The following CNTNAP2 variants were observed in gnomAD, a reference collection of about 807,000 sequenced individuals.
CNTNAP2 encodes the protein contactin associated protein 2.
CNTNAP2 carries 98 observed loss-of-function variants against 155.2 expected under a neutral mutation model. The ratio of observed to expected loss-of-function variants is 0.63; its 90% CI spans 0.54 to 0.75. CNTNAP2 has a LOEUF of 0.75. Ranked by LOEUF, CNTNAP2 falls within the 30% of genes least tolerant of loss-of-function variation. The pLI is 0.00. For missense variants in CNTNAP2, 1,727 were observed against 1,688.1 expected, an observed-to-expected ratio of 1.02 and a Z score of -0.40; for synonymous variants, 651 against 631.2, an observed-to-expected ratio of 1.03 and a Z score of -0.47.
intron 13 of CNTNAP2, among the ~76,000 whole-genome samples, chr7:147,830,193 G>A (rs1007714426): frequency 1.3e-5 from 2 of 151,222 alleles, no homozygotes; most frequent in Admixed American, 1.3e-4. Context: ...AAACTAGGTG[G>A]CTTATAAACA....
At chr7:146,494,502 A>G (rs970353364) in intron 1 of CNTNAP2, among the ~76,000 whole-genome samples, 1 of 152,186 alleles carries the variant, frequency 6.6e-6, no homozygotes, top group East Asian at 1.9e-4. Flanking sequence ...TTCTGTTACA[A>G]AATGTTTACT....
intron 1 of CNTNAP2, among the ~76,000 whole-genome samples, chr7:146,475,697 T>A (rs1170605770): frequency 6.6e-6 from 1 of 152,164 alleles, no homozygotes; most frequent in Admixed American, 6.5e-5. Context: ...CAAGAGCCTA[T>A]ATCACAATAG....
At chr7:146,651,473 A>G (rs895872488) in intron 1 of CNTNAP2, among the ~76,000 whole-genome samples, 6 of 152,204 alleles carry the variant, frequency 3.9e-5, no homozygotes, top group Non-Finnish European at 8.8e-5. Context: ...ATAGGAACTT[A>G]CGTACTTTGT....
At chr7:146,426,624 A>T (rs1422040555) in intron 1 of CNTNAP2, among the ~76,000 whole-genome samples, 1 of 51,982 alleles carries the variant, frequency 1.9e-5, no homozygotes, top group Non-Finnish European at 3.2e-5. Flanking sequence ...TAACACCTTT[A>T]AAAAAAAAAA....
chr7:146,721,875 G>GTGTGTGTA (rs1332551916), intron 1 of CNTNAP2, among the ~76,000 whole-genome samples: 3 of 76,658 alleles, frequency 3.9e-5, no homozygotes, highest in African/African-American at 1.8e-4. Flanking sequence ...GTGTGTGTGT[G>GTGTGTGTA]TATATATATA....
intron 1 of CNTNAP2, among the ~76,000 whole-genome samples, chr7:146,129,118 A>G (rs901134434): frequency 1.3e-5 from 2 of 152,208 alleles, no homozygotes; most frequent in South Asian, 4.1e-4. Flanking sequence ...ATATTGTGAT[A>G]AAATAGGTAA....
intron 1 of CNTNAP2, among the ~76,000 whole-genome samples, chr7:146,288,099 A>AGACCAGCCTGGGCAACATAGG (rs1297809676): frequency 2.8e-4 from 43 of 152,112 alleles, no homozygotes; most frequent in Admixed American, 1.4e-3. Flanking sequence ...GGATTGCTTA[A>AGACCAGCCTGGGCAACATAGG]GACCAGCCTG....
chr7:148,360,510 C>T (rs1177946), intron 21 of CNTNAP2, among the ~76,000 whole-genome samples: 49,250 of 152,116 alleles, frequency 0.32, 8,545 homozygotes, highest in Non-Finnish European at 0.39. Context: ...ACCCTTGTAA[C>T]TGTGCGATCA....
chr7:148,123,066 T>C lies in CNTNAP2; in HGVS notation c.2554+4778T>C, dbSNP rs540621082. 2.6e-5 allele frequency among the ~76,000 whole-genome samples: 4 copies of C among 152,286 alleles called. No homozygotes were observed. In the East Asian group the frequency reaches 7.7e-4, roughly 29 times the overall value. ...ATTCTGGATATTTTGAGACTGAGTC[T>C]CTGTGGGCTATAGGAGGATCTAATC... On this transcript the variant is annotated intron_variant, in intron 16 of 23. Coordinates refer to ENST00000361727, the MANE Select transcript of CNTNAP2 (RefSeq NM_014141.6).
At chr7:146,565,596 G>T (rs566280418) in intron 1 of CNTNAP2, among the ~76,000 whole-genome samples, 2 of 152,320 alleles carry the variant, frequency 1.3e-5, no homozygotes, top group East Asian at 3.9e-4. Flanking sequence ...TGGAAAGCTA[G>T]TGAATAAGAC....
chr7:147,314,574 A>C (rs1795191633), intron 9 of CNTNAP2, among the ~76,000 whole-genome samples: 1 of 151,004 alleles, frequency 6.6e-6, no homozygotes, highest in Non-Finnish European at 1.5e-5. Flanking sequence ...TTGAGTAAAG[A>C]TATTCTCTGC....
At chr7:147,610,448 G>C (rs1264660302) in intron 12 of CNTNAP2, among the ~76,000 whole-genome samples, 1 of 152,156 alleles carries the variant, frequency 6.6e-6, no homozygotes, top group Non-Finnish European at 1.5e-5. Context: ...CTCAGAAAAA[G>C]CTCCTCACTG....
intron 1 of CNTNAP2, among the ~76,000 whole-genome samples, chr7:146,473,705 A>G (rs999584943): frequency 6.6e-6 from 1 of 152,092 alleles, no homozygotes; most frequent in Non-Finnish European, 1.5e-5. Context: ...AACCTTAGGC[A>G]TTTGTTTTTG....
At chr7:147,437,211 T>A (rs1797564339) in intron 10 of CNTNAP2, among the ~76,000 whole-genome samples, 1 of 151,956 alleles carries the variant, frequency 6.6e-6, no homozygotes, top group African/African-American at 2.4e-5. Flanking sequence ...TTTATGATAA[T>A]GAGGTGGAAT....
chr7:147,609,505 TG>T (rs1257747568), intron 12 of CNTNAP2, among the ~76,000 whole-genome samples: 2 of 152,076 alleles, frequency 1.3e-5, no homozygotes, highest in African/African-American at 4.8e-5. Context: ...CACTCCAGCC[TG>T]GGTGACAGAG....
At chr7:146,955,639 A>G (rs547440386) in intron 3 of CNTNAP2, among the ~76,000 whole-genome samples, 1 of 152,148 alleles carries the variant, frequency 6.6e-6, no homozygotes, top group Admixed American at 6.5e-5. Context: ...ACATTTTAAG[A>G]CAACCCTAGA....
intron 11 of CNTNAP2, among the ~76,000 whole-genome samples, chr7:147,524,769 A>G (rs1421320082): frequency 6.6e-6 from 1 of 152,312 alleles, no homozygotes; most frequent in Non-Finnish European, 1.5e-5. Flanking sequence ...CTCCACAGTG[A>G]GTCCCCAGGA....
rs144320079 is a variant in CNTNAP2 at position 147,113,519 on chromosome 7, C to T, written c.754+5169C>T. ...GCCTCAGGAAACTTACAATCAGGGC[C>T]GAAAGGGAAGCAAACACATCCTTCT... On this transcript the variant is annotated intron_variant, in intron 5 of 23. Transcript: ENST00000361727. Among the ~76,000 whole-genome samples the T allele has an allele frequency of 4.5e-3, 674 of 151,424 alleles. 1 individual carries two copies. The highest frequency in any genetic ancestry group is 0.014 in the Middle Eastern group (4 of 288).
At chr7:146,608,693 G>T (rs1799086197) in intron 1 of CNTNAP2, among the ~76,000 whole-genome samples, 1 of 151,932 alleles carries the variant, frequency 6.6e-6, no homozygotes, top group Non-Finnish European at 1.5e-5. Flanking sequence ...TGTCTTCCCA[G>T]CACTTCTTCT....
Sources: allele counts gnomAD v4.1 joint callset (sites outside exome capture counted in the v4.1 genomes callset), GRCh38; gene constraint gnomAD v4.1.1; transcripts MANE v1.5; gene names NCBI Gene and HGNC (gene_info 2026-07-23, HGNC 2026-07-21).